Variants in FABP12 observed in about 807,000 individuals in gnomAD.
FABP12 encodes fatty acid-binding protein 12.
Under a neutral mutation model 13.7 loss-of-function variants are expected in FABP12, and 19 were observed. The observed-to-expected ratio is 1.39, with a 90% CI of 0.97 to 2.04. FABP12 has a LOEUF of 2.04. Among genes scored for constraint, FABP12 ranks in the 30% most tolerant of loss-of-function variants. The pLI, the probability that FABP12 is intolerant of heterozygous loss-of-function variation, is 0.00. For synonymous variants in FABP12, 61 were observed against 57.0 expected, an observed-to-expected ratio of 1.07 and a Z score of -0.32; for missense variants, 182 against 164.2, an observed-to-expected ratio of 1.11 and a Z score of -0.59.
intron 1 of FABP12, among the ~76,000 whole-genome samples, chr8:81,554,104 A>G (rs993121232): frequency 1.3e-5 from 2 of 152,166 alleles, no homozygotes; most frequent in African/African-American, 4.8e-5. Context: ...TCAGTAATAT[A>G]TGCATATAAT....
intron 1 of FABP12, among the ~76,000 whole-genome samples, chr8:81,585,302 T>C (rs186214507): frequency 6.6e-6 from 1 of 152,216 alleles, no homozygotes; most frequent in South Asian, 2.1e-4. Context: ...CTTCTGCATA[T>C]AGTTATCCAG....
At chr8:81,534,927 G>A (rs546200759), upstream of FABP12, among the ~76,000 whole-genome samples, 1 of 150,914 alleles carries the variant, frequency 6.6e-6, no homozygotes, top group African/African-American at 2.4e-5. Flanking sequence ...AACAGAGTGA[G>A]ACTCCAACTC....
intron 1 of FABP12, among the ~76,000 whole-genome samples, chr8:81,552,817 A>G (rs1320728876): frequency 2.0e-5 from 3 of 152,106 alleles, no homozygotes; most frequent in Non-Finnish European, 2.9e-5. Context: ...GATTGAGAAT[A>G]TTATCCAAGT....
At chr8:81,576,728 T>C (rs187044025) in intron 1 of FABP12, among the ~76,000 whole-genome samples, 1 of 152,292 alleles carries the variant, frequency 6.6e-6, no homozygotes, top group African/African-American at 2.4e-5. Context: ...TATCCCCAAA[T>C]CTGAGTGGCT....
Position 81,528,564 on chromosome 8 carries a change from C to T in FABP12, c.246+874G>A, listed in dbSNP as rs545576274. On this transcript the variant is annotated intron_variant, in intron 3 of 4. Transcript: ENST00000360464. ...ATTATCCTCCATATAGTTTAACAAT[C>T]CTCTATTGAGTTCATTCATTCAAAT... Among the ~76,000 whole-genome samples, 9 of 152,174 alleles carry T rather than the reference C, an allele frequency of 5.9e-5. No individual in the cohort carries two copies. The South Asian group carries it at 1.7e-3, about 28-fold the overall frequency.
chr8:81,538,205 C>T (rs1041086955), upstream of FABP12, among the ~76,000 whole-genome samples: 2 of 152,178 alleles, frequency 1.3e-5, no homozygotes, highest in Non-Finnish European at 2.9e-5. Context: ...CCAAGCCATT[C>T]ATGGAGGATC....
At chr8:81,578,320 G>C (rs1260979380) in intron 1 of FABP12, among the ~76,000 whole-genome samples, 2 of 152,072 alleles carry the variant, frequency 1.3e-5, no homozygotes, top group East Asian at 3.8e-4. Context: ...TTATATTTTA[G>C]TCCTATGTAA....
upstream of FABP12, among the ~76,000 whole-genome samples, chr8:81,538,425 A>T (rs1157932205): frequency 6.6e-6 from 1 of 152,210 alleles, no homozygotes; most frequent in South Asian, 2.1e-4. Context: ...ATCTTTGCAG[A>T]TACTAATTAA....
At chr8:81,576,140 C>T (rs1362888691) in intron 1 of FABP12, among the ~76,000 whole-genome samples, 3 of 152,112 alleles carry the variant, frequency 2.0e-5, no homozygotes, top group African/African-American at 7.2e-5. Flanking sequence ...AGACTAATGA[C>T]TTTTCTCTTA....
chr8:81,586,402 C>A (rs771722100), intron 1 of FABP12, among the ~76,000 whole-genome samples: 1 of 152,140 alleles, frequency 6.6e-6, no homozygotes, highest in Non-Finnish European at 1.5e-5. Context: ...ATTTTAAGTT[C>A]TTTGAGAAAT....
chr8:81,587,903 G>A (rs1389974098), intron 1 of FABP12, among the ~76,000 whole-genome samples: 1 of 152,148 alleles, frequency 6.6e-6, no homozygotes, highest in Non-Finnish European at 1.5e-5. Context: ...AACTTCAAAA[G>A]TAGGGAAGCC....
At chr8:81,576,094 T>C (rs1810040411) in intron 1 of FABP12, among the ~76,000 whole-genome samples, 1 of 152,230 alleles carries the variant, frequency 6.6e-6, no homozygotes, top group Admixed American at 6.5e-5. Flanking sequence ...TCAACTAATA[T>C]TTGGAGACTT....
chr8:81,586,130 T>A (rs765441544), intron 1 of FABP12, among the ~76,000 whole-genome samples: 161 of 152,318 alleles, frequency 1.1e-3, no homozygotes, highest in Non-Finnish European at 1.6e-3. Context: ...TCTCTTAGGA[T>A]ATTGGCCTCC....
chr8:81,561,989 A>G (rs763026876), intron 1 of FABP12, among the ~76,000 whole-genome samples: 2 of 152,216 alleles, frequency 1.3e-5, no homozygotes, highest in East Asian at 1.9e-4. Flanking sequence ...TGCTTGTGTC[A>G]TGCCTCTTCC....
chr8:81,580,601 G>A (rs555160377), intron 1 of FABP12, among the ~76,000 whole-genome samples: 1 of 152,080 alleles, frequency 6.6e-6, no homozygotes, highest in South Asian at 2.1e-4. Context: ...GTCTTCTTTA[G>A]TTGTTTTAAG....
At chr8:81,569,917 C>T (rs1219314920) in intron 1 of FABP12, among the ~76,000 whole-genome samples, 1 of 152,230 alleles carries the variant, frequency 6.6e-6, no homozygotes, top group East Asian at 1.9e-4. Context: ...GCCCGCTCGG[C>T]CTGGCAGGCT....
chr8:81,532,879 T>C (rs369616907), intron 1 of FABP12: 4 of 152,232 alleles, frequency 2.6e-5, no homozygotes, highest in African/African-American at 9.7e-5. Context: ...ATTGGTTGGT[T>C]TTCCTGAGTA....
At chr8:81,534,945 T>TA (rs147191229), upstream of FABP12, among the ~76,000 whole-genome samples, 9,195 of 149,660 alleles carry the variant, frequency 0.061, 758 homozygotes, top group African/African-American at 0.19. Flanking sequence ...CTCAAAAAAT[T>TA]AAAAAAAAAA....
upstream of FABP12, among the ~76,000 whole-genome samples, chr8:81,536,805 T>C (rs777581643): frequency 5.3e-5 from 8 of 152,230 alleles, no homozygotes; most frequent in Non-Finnish European, 8.8e-5. Flanking sequence ...CACGTGTAGA[T>C]AAAGTTTTAT....
Sources: allele counts gnomAD v4.1 joint callset (sites outside exome capture counted in the v4.1 genomes callset), GRCh38; gene constraint gnomAD v4.1.1; transcripts MANE v1.5; gene names NCBI Gene and HGNC (gene_info 2026-07-23, HGNC 2026-07-21).